LDB2: variants seen among roughly 807,000 people sequenced by gnomAD.
The protein encoded by LDB2 is LIM domain binding 2.
Under a neutral mutation model 44.3 loss-of-function variants are expected in LDB2, and 12 were observed. That is an observed-to-expected ratio of 0.27 (90% CI 0.17 to 0.44). LDB2 has a LOEUF of 0.44. Ranked by LOEUF, LDB2 falls within the 20% of genes least tolerant of loss-of-function variation. LDB2 has a pLI of 1.00. For missense variants in LDB2, 344 were observed against 473.5 expected (o/e 0.73, Z 2.54); for synonymous variants, 164 against 174.8 (o/e 0.94, Z 0.49).
At chr4:16,740,844 C>T (rs1284134797) in intron 2 of LDB2, among the ~76,000 whole-genome samples, 4 of 152,186 alleles carry the variant, frequency 2.6e-5, no homozygotes, top group East Asian at 3.8e-4. Context: ...TAATGCAATG[C>T]GTGTATTTTA....
chr4:16,810,646 G>A (rs111383875), intron 1 of LDB2, among the ~76,000 whole-genome samples: 2,360 of 26,186 alleles, frequency 0.09, 102 homozygotes, highest in African/African-American at 0.14. Context: ...CAAATTCATG[G>A]TTATGGATCT....
chr4:16,538,176 C>G, intron 5 of LDB2, among the ~76,000 whole-genome samples: 1 of 152,130 alleles, frequency 6.6e-6, no homozygotes, highest in Non-Finnish European at 1.5e-5. Context: ...CAGCAAAAGA[C>G]AAAAGTGTAA....
chr4:16,727,757 G>C (rs908500208), intron 2 of LDB2, among the ~76,000 whole-genome samples: 1 of 152,118 alleles, frequency 6.6e-6, no homozygotes, highest in Non-Finnish European at 1.5e-5. Flanking sequence ...TCTAATTTCT[G>C]AAGTTTGATT....
intron 1 of LDB2, among the ~76,000 whole-genome samples, chr4:16,846,993 T>G (rs1787144332): frequency 6.6e-6 from 1 of 152,212 alleles, no homozygotes; most frequent in Admixed American, 6.5e-5. Flanking sequence ...TGGAGAAGAC[T>G]CCACTCTATT....
intron 5 of LDB2, chr4:16,581,238 C>T (rs1217883182): frequency 5.7e-6 from 1 of 174,772 alleles, no homozygotes; most frequent in African/African-American, 2.4e-5. Context: ...ATTTATCCTA[C>T]TAGAACCTAG....
chr4:16,588,858 T>C (rs762071438), intron 3 of LDB2, 26 bp from the exon 4 acceptor site: 5 of 1,611,120 alleles, frequency 3.1e-6, no homozygotes, highest in Non-Finnish European at 4.2e-6. Context: ...CACACAGTCA[T>C]TCATTACGCA....
chr4:16,651,357 C>T (rs1266130193), intron 2 of LDB2: 1 of 152,220 alleles, frequency 6.6e-6, no homozygotes, highest in Non-Finnish European at 1.5e-5. Flanking sequence ...TTTGGTTTTA[C>T]TTAATTCATT....
At chr4:16,520,298 G>GA (rs33952735) in intron 5 of LDB2, among the ~76,000 whole-genome samples, 111,459 of 146,988 alleles carry the variant, frequency 0.76, 42,235 homozygotes, top group East Asian at 0.92. Context: ...GAATCTAAAA[G>GA]AAAAAAAAAA....
chr4:16,517,375 A>C (rs370670714), intron 5 of LDB2, among the ~76,000 whole-genome samples: 64 of 152,308 alleles, frequency 4.2e-4, no homozygotes, highest in African/African-American at 1.4e-3. Context: ...TCAAATGCAC[A>C]TTATAGAACT....
intron 5 of LDB2, among the ~76,000 whole-genome samples, chr4:16,557,872 C>T (rs940125841): frequency 2.6e-5 from 4 of 152,218 alleles, no homozygotes; most frequent in Non-Finnish European, 5.9e-5. Flanking sequence ...GACAAAACTT[C>T]CAGAGGAACG....
In LDB2 at chr4:16,810,964, G is replaced by A. The variant is rs549086568; in HGVS notation, c.133-51704C>T. ...CAATTTTTCCACAGACTGGTGGGGGGTGGTGGGTGGATTCAGGGTGAAACT... is the reference window on the plus strand; with the variant it reads ...CAATTTTTCCACAGACTGGTGGGGGATGGTGGGTGGATTCAGGGTGAAACT... On this transcript the variant is annotated intron_variant, in intron 1 of 7. Coordinates refer to ENST00000304523, the MANE Select transcript of LDB2 (RefSeq NM_001290.5). Among the ~76,000 whole-genome samples the A allele has an allele frequency of 1.6e-4, 25 of 152,324 alleles. No individual in the cohort carries two copies. The South Asian group carries it at 5.0e-3, about 30-fold the overall frequency.
intron 1 of LDB2, among the ~76,000 whole-genome samples, chr4:16,892,425 C>T (rs1466489686): frequency 6.6e-6 from 1 of 152,092 alleles, no homozygotes; most frequent in African/African-American, 2.4e-5. Context: ...AAAATCTAGG[C>T]TCATATTGAT....
intron 1 of LDB2, among the ~76,000 whole-genome samples, chr4:16,886,230 A>T (rs1721663745): frequency 6.6e-6 from 1 of 152,142 alleles, no homozygotes. Flanking sequence ...AAAACAAAAC[A>T]AACCAACAAA....
rs140464072 is a variant in LDB2, at chr4:16,562,610, T to C, written c.615+23312A>G. The stretch of plus-strand genomic sequence containing the variant: ...TGGACAAATAGGAACACTTTTACAC[T>C]GTTGGTGGGACTGTAAACTAGTTCA... On this transcript the variant is annotated intron_variant, in intron 5 of 7. Coordinates refer to ENST00000304523, the MANE Select transcript of LDB2 (RefSeq NM_001290.5). Among the ~76,000 whole-genome samples, 1,195 of 152,320 alleles carry C rather than the reference T, an allele frequency of 7.8e-3. 48 individuals are homozygous for C. The East Asian group carries it at 0.14, about 18-fold the overall frequency.
chr4:16,815,142 T>G (rs189679075), intron 1 of LDB2, among the ~76,000 whole-genome samples: 5 of 152,332 alleles, frequency 3.3e-5, no homozygotes, highest in African/African-American at 1.2e-4. Context: ...AGTATTGTGT[T>G]TTTCATTGCA....
At chr4:16,688,747 C>T (rs1350548119) in intron 2 of LDB2, among the ~76,000 whole-genome samples, 1 of 152,208 alleles carries the variant, frequency 6.6e-6, no homozygotes, top group Non-Finnish European at 1.5e-5. Flanking sequence ...ACCAAATCTA[C>T]AGGCTCAATG....
intron 5 of LDB2, among the ~76,000 whole-genome samples, chr4:16,558,888 A>G (rs1033178112): frequency 6.6e-6 from 1 of 152,244 alleles, no homozygotes; most frequent in Non-Finnish European, 1.5e-5. Context: ...AAGCCAGAAG[A>G]GAGTGGGGGC....
intron 2 of LDB2, among the ~76,000 whole-genome samples, chr4:16,609,177 G>A (rs193054286): frequency 6.6e-6 from 1 of 152,136 alleles, no homozygotes. Flanking sequence ...AGCCAAGGGA[G>A]ATGGTAAATG....
At chr4:16,827,731 A>G (rs1047716256) in intron 1 of LDB2, among the ~76,000 whole-genome samples, 1 of 152,188 alleles carries the variant, frequency 6.6e-6, no homozygotes, top group African/African-American at 2.4e-5. Context: ...TTCTTATTTC[A>G]AAATTTTGCA....
Sources: gnomAD v4.1 joint callset for allele counts (sites outside exome capture counted in the v4.1 genomes callset) on GRCh38, gnomAD v4.1.1 for gene constraint, MANE v1.5 for transcripts, NCBI Gene and HGNC (gene_info 2026-07-23, HGNC 2026-07-21) for gene names.